The following COL4A5 variants were observed in gnomAD, a reference collection of about 807,000 sequenced individuals.
COL4A5 encodes collagen alpha-5(IV) chain.
Under a neutral mutation model 130.2 loss-of-function variants are expected in COL4A5, and 26 were observed. The observed-to-expected ratio is 0.20, with a 90% CI of 0.15 to 0.28. COL4A5 has a LOEUF of 0.28. Among genes scored for constraint, COL4A5 ranks in the 10% least tolerant of loss-of-function variants. The pLI is 1.00. For missense variants in COL4A5, 1,131 were observed against 1,344.3 expected, an observed-to-expected ratio of 0.84 and a Z score of 2.48; for synonymous variants, 496 against 439.6, an observed-to-expected ratio of 1.13 and a Z score of -1.60.
chrX:108,474,980 T>A (rs1301246073), intron 1 of COL4A5, among the ~76,000 whole-genome samples: 2 of 111,653 alleles, frequency 1.8e-5, no homozygotes, highest in Non-Finnish European at 3.8e-5. Flanking sequence ...TCCAGTACCA[T>A]GTTGTTTTGA....
intron 1 of COL4A5, among the ~76,000 whole-genome samples, chrX:108,531,937 A>G (rs1424929666): frequency 9.0e-6 from 1 of 111,677 alleles, no homozygotes; most frequent in Non-Finnish European, 1.9e-5. Context: ...AGATTGAATC[A>G]GTAATAAAAA....
intron 1 of COL4A5, among the ~76,000 whole-genome samples, chrX:108,502,782 T>A (rs1174581473): frequency 8.9e-6 from 1 of 111,787 alleles, no homozygotes; most frequent in African/African-American, 3.3e-5. Flanking sequence ...GCTCCTTTTG[T>A]GGACCACATC....
intron 40 of COL4A5, among the ~76,000 whole-genome samples, chrX:108,667,587 A>C (rs944418508): frequency 1.2e-4 from 13 of 108,826 alleles, no homozygotes; most frequent in African/African-American, 4.3e-4. Context: ...GTGTGTGCAC[A>C]CACACATCTA....
chrX:108,512,472 C>G (rs1280703695), intron 1 of COL4A5, among the ~76,000 whole-genome samples: 1 of 111,832 alleles, frequency 8.9e-6, no homozygotes, highest in Non-Finnish European at 1.9e-5. Context: ...TGTTGCATTT[C>G]TTTAGTGACT....
chrX:108,641,790 A>G (rs2067472517), intron 36 of COL4A5, among the ~76,000 whole-genome samples: 1 of 111,838 alleles, frequency 8.9e-6, no homozygotes, highest in Non-Finnish European at 1.9e-5. Flanking sequence ...ACAGGGATCC[A>G]TCGGGAGGGC....
intron 1 of COL4A5, among the ~76,000 whole-genome samples, chrX:108,487,469 T>G (rs540923208): frequency 9.1e-6 from 1 of 110,378 alleles, no homozygotes; most frequent in South Asian, 3.8e-4. Flanking sequence ...ATTTTTTTAT[T>G]TTTTTTTAAT....
chrX:108,596,879 C>T, intron 22 of COL4A5, 119 bp from the exon 23 acceptor site: 1 of 707,526 alleles, frequency 1.4e-6, no homozygotes, highest in Non-Finnish European at 2.2e-6. Context: ...GAATGGGGTT[C>T]TTATTTTAAA....
chrX:108,622,413 G>C (rs1424155057), intron 32 of COL4A5, among the ~76,000 whole-genome samples: 1 of 112,126 alleles, frequency 8.9e-6, no homozygotes, highest in African/African-American at 3.2e-5. Context: ...TTACAGGCTT[G>C]AGCCACCGTG....
At chrX:108,491,598 T>TA (rs949706764) in intron 1 of COL4A5, among the ~76,000 whole-genome samples, 2 of 111,293 alleles carry the variant, frequency 1.8e-5, no homozygotes, top group Non-Finnish European at 3.8e-5. Flanking sequence ...TGCTTAATAA[T>TA]AAAAAAAGTT....
At chrX:108,629,668 A>T (rs2067216386) in intron 36 of COL4A5, among the ~76,000 whole-genome samples, 1 of 111,234 alleles carries the variant, frequency 9.0e-6, no homozygotes, top group Admixed American at 9.5e-5. Context: ...TTATTTATTT[A>T]TTTGTTTTAT....
intron 14 of COL4A5, 43 bp downstream of exon 14, chrX:108,580,629 T>C (rs1244227941): frequency 8.4e-6 from 10 of 1,188,531 alleles, no homozygotes; most frequent in Non-Finnish European, 1.0e-5. Flanking sequence ...TGTAAATTGG[T>C]ATTGGTACAC....
intron 30 of COL4A5, among the ~76,000 whole-genome samples, chrX:108,616,718 A>G (rs1198268571): frequency 9.0e-6 from 1 of 111,188 alleles, no homozygotes; most frequent in Non-Finnish European, 1.9e-5. Context: ...ATATGTTAAC[A>G]CGTGTCACGC....
intron 2 of COL4A5, among the ~76,000 whole-genome samples, chrX:108,554,270 C>A (rs1245336431): frequency 8.9e-6 from 1 of 111,753 alleles, no homozygotes; most frequent in African/African-American, 3.3e-5. Flanking sequence ...CATGGCTGTG[C>A]GACCTCAGGA....
chrX:108,552,852 A>G (rs758655989), intron 2 of COL4A5, among the ~76,000 whole-genome samples: 2 of 112,203 alleles, frequency 1.8e-5, no homozygotes, highest in Non-Finnish European at 3.8e-5. Context: ...GAGGATTTAC[A>G]GTACACAATT....
chrX:108,489,619 A>G (rs1287647665), intron 1 of COL4A5, among the ~76,000 whole-genome samples: 1 of 112,085 alleles, frequency 8.9e-6, no homozygotes, highest in Non-Finnish European at 1.9e-5. Context: ...TTGAATTTGT[A>G]TTGAGAATAA....
chrX:108,477,436 C>A (rs188476473), intron 1 of COL4A5, among the ~76,000 whole-genome samples: 1 of 111,795 alleles, frequency 8.9e-6, no homozygotes, highest in East Asian at 2.8e-4. Context: ...GTCAATAAAT[C>A]GTACATCACA....
rs747733796 is a variant in COL4A5, at chrX:108,576,045, AT to A, written c.609+74del. On this transcript the variant is annotated intron_variant, in intron 10 of 52. Coordinates refer to ENST00000328300, the MANE Select transcript of COL4A5 (RefSeq NM_033380.3). Reference sequence around the variant, plus strand: ...TCTTTCAGGAATATTAATATTATTTATAATACTTGAAAACATAATGCATTCT... The same window carrying A: ...TCTTTCAGGAATATTAATATTATTTAAATACTTGAAAACATAATGCATTCT... 3.1e-4 allele frequency: 200 copies of A among 645,147 alleles called. No individual in the cohort carries two copies. The African/African-American group carries it at 4.0e-3, about 13-fold the overall frequency. 53.2% of individuals were successfully genotyped at this position (645,147 alleles called of 1,213,427 possible).
At chrX:108,503,006 A>C (rs770863519) in intron 1 of COL4A5, among the ~76,000 whole-genome samples, 1 of 112,232 alleles carries the variant, frequency 8.9e-6, no homozygotes, top group South Asian at 3.7e-4. Context: ...CGAAGAACCT[A>C]TGCCATCTGA....
intron 1 of COL4A5, among the ~76,000 whole-genome samples, chrX:108,488,619 T>C (rs1240104764): frequency 8.9e-6 from 1 of 112,570 alleles, no homozygotes; most frequent in Non-Finnish European, 1.9e-5. Context: ...TCTTTATGAA[T>C]ATGATATGTA....
Sources: gnomAD v4.1 joint callset for allele counts (sites outside exome capture counted in the v4.1 genomes callset) on GRCh38, gnomAD v4.1.1 for gene constraint, MANE v1.5 for transcripts, NCBI Gene and HGNC (gene_info 2026-07-23, HGNC 2026-07-21) for gene names.